HIGD1C: variants seen among roughly 807,000 people sequenced by gnomAD.
The protein encoded by HIGD1C is HIG1 domain family member 1C.
HIGD1C carries 11 observed loss-of-function variants against 13.1 expected under a neutral mutation model. The ratio of observed to expected loss-of-function variants is 0.84; its 90% CI spans 0.53 to 1.39. The LOEUF (loss-of-function observed/expected upper bound fraction) is 1.39, where lower values mean the gene tolerates loss of function less well. Ranked by LOEUF, HIGD1C falls within the 40% of genes most tolerant of loss-of-function variation. HIGD1C has a pLI of 0.00. For synonymous variants in HIGD1C, 36 were observed against 37.7 expected, an observed-to-expected ratio of 0.95 and a Z score of 0.17; for missense variants, 110 against 112.0, an observed-to-expected ratio of 0.98 and a Z score of 0.08.
At chr12:50,939,866 G>A in the HIGD1C span, 1 of 151,302 alleles carries the variant, frequency 6.6e-6, no homozygotes. Context: ...TATCAGAAAA[G>A]ATATTTTACT....
intron 2 of HIGD1C, among the ~76,000 whole-genome samples, chr12:50,962,869 A>G (rs1236974674): frequency 6.6e-6 from 1 of 152,192 alleles, no homozygotes; most frequent in Admixed American, 6.5e-5. Context: ...AGGCAGAGGA[A>G]AAAACAAAGG....
chr12:50,968,131 T>TGAGGAG (rs138396470), intron 2 of HIGD1C, among the ~76,000 whole-genome samples: 4 of 146,996 alleles, frequency 2.7e-5, no homozygotes, highest in African/African-American at 1.0e-4. Flanking sequence ...AGGAGGAGAA[T>TGAGGAG]GAGGAGGAGG....
At chr12:50,945,860 A>G in the HIGD1C span, among the ~76,000 whole-genome samples, 2 of 152,196 alleles carry the variant, frequency 1.3e-5, no homozygotes, top group Admixed American at 6.5e-5. Flanking sequence ...CCAAAACAGC[A>G]TGGTACTGGT....
chr12:50,968,557 T>A (rs1414441147), intron 2 of HIGD1C, among the ~76,000 whole-genome samples: 2 of 152,034 alleles, frequency 1.3e-5, no homozygotes, highest in African/African-American at 4.8e-5. Flanking sequence ...CAGCTAATTT[T>A]TGTTTGTTTT....
the HIGD1C span, among the ~76,000 whole-genome samples, chr12:50,942,186 T>G: frequency 0.15 from 23,315 of 152,180 alleles, 1,978 homozygotes; most frequent in South Asian, 0.27. Flanking sequence ...CCGGCCCATG[T>G]TCCCTTGTTC....
the HIGD1C span, among the ~76,000 whole-genome samples, chr12:50,936,177 G>T: frequency 2.2e-5 from 3 of 139,144 alleles, no homozygotes; most frequent in South Asian, 2.4e-4. Context: ...AAAAAAAAAT[G>T]TACCTCACAC....
chr12:50,933,388 G>A, the HIGD1C span, among the ~76,000 whole-genome samples: 1 of 152,224 alleles, frequency 6.6e-6, no homozygotes, highest in Admixed American at 6.5e-5. Flanking sequence ...TATTGGTTAG[G>A]AATCCTTTGA....
chr12:50,968,960 T>A (rs1466519167), intron 2 of HIGD1C, among the ~76,000 whole-genome samples: 2 of 152,132 alleles, frequency 1.3e-5, no homozygotes, highest in Non-Finnish European at 2.9e-5. Context: ...ATTACAGGCA[T>A]GAGCCCCCAC....
At chr12:50,943,389 T>C in the HIGD1C span, among the ~76,000 whole-genome samples, 3 of 152,096 alleles carry the variant, frequency 2.0e-5, no homozygotes, top group South Asian at 2.1e-4. Flanking sequence ...AAAACATCCA[T>C]AGTCTTCTCC....
At chr12:50,968,116 GGAGGAGGAGGAGAAT>G (rs1273956752) in intron 2 of HIGD1C, among the ~76,000 whole-genome samples, 3 of 151,968 alleles carry the variant, frequency 2.0e-5, no homozygotes, top group African/African-American at 7.3e-5. Flanking sequence ...AGGAGGAGGA[GGAGGAGGAGGAGAAT>G]GAGGAGGAGG....
At chr12:50,937,030 CTTT>C in the HIGD1C span, among the ~76,000 whole-genome samples, 5 of 152,342 alleles carry the variant, frequency 3.3e-5, no homozygotes, top group East Asian at 3.9e-4. Flanking sequence ...GCAATTTCTT[CTTT>C]GTTTCTTCTA....
At chr12:50,936,899 G>A in the HIGD1C span, among the ~76,000 whole-genome samples, 1 of 152,124 alleles carries the variant, frequency 6.6e-6, no homozygotes, top group African/African-American at 2.4e-5. Flanking sequence ...GATTATTTCT[G>A]TATTATTTAA....
At chr12:50,971,862 T>C (rs941501783), downstream of HIGD1C, among the ~76,000 whole-genome samples, 1 of 152,264 alleles carries the variant, frequency 6.6e-6, no homozygotes, top group Non-Finnish European at 1.5e-5. Flanking sequence ...TATGAAAATA[T>C]GTCTGCATTC....
chr12:50,964,195 G>A (rs528195318), intron 2 of HIGD1C, among the ~76,000 whole-genome samples: 21 of 152,270 alleles, frequency 1.4e-4, no homozygotes, highest in African/African-American at 4.8e-4. Flanking sequence ...TCAAAATAAG[G>A]AAGAAACACT....
intron 1 of HIGD1C, among the ~76,000 whole-genome samples, chr12:50,960,239 T>C (rs1939274507): frequency 1.3e-5 from 2 of 152,358 alleles, no homozygotes; most frequent in African/African-American, 4.8e-5. Flanking sequence ...TGTTTCACTT[T>C]ATATAGAAGC....
At chr12:50,941,675 A>C in the HIGD1C span, among the ~76,000 whole-genome samples, 1 of 152,124 alleles carries the variant, frequency 6.6e-6, no homozygotes, top group Admixed American at 6.5e-5. Flanking sequence ...CACATATGAA[A>C]TTTTAAACTC....
upstream of HIGD1C, among the ~76,000 whole-genome samples, chr12:50,950,112 A>G (rs1009363509): frequency 2.6e-5 from 4 of 152,194 alleles, no homozygotes; most frequent in Admixed American, 6.5e-5. Context: ...CACGGGTGAC[A>G]GGACCAAGGC....
chr12:50,943,928 G>C, the HIGD1C span, among the ~76,000 whole-genome samples: 1 of 152,002 alleles, frequency 6.6e-6, no homozygotes, highest in South Asian at 2.1e-4. Context: ...ATAATACCAG[G>C]CATCTCTGTT....
At chr12:50,952,161 GTT>G (rs1169145078), upstream of HIGD1C, among the ~76,000 whole-genome samples, 4 of 148,260 alleles carry the variant, frequency 2.7e-5, no homozygotes, top group Non-Finnish European at 4.4e-5. Context: ...TCAATGTTAA[GTT>G]TCTGATTTTG....
Sources: allele counts gnomAD v4.1 joint callset (sites outside exome capture counted in the v4.1 genomes callset), GRCh38; gene constraint gnomAD v4.1.1; transcripts MANE v1.5; gene names NCBI Gene and HGNC (gene_info 2026-07-23, HGNC 2026-07-21).